The following CLSTN2 variants were observed in gnomAD, a reference collection of about 807,000 sequenced individuals.
CLSTN2 encodes calsyntenin-2.
Under a neutral mutation model 101.2 loss-of-function variants are expected in CLSTN2, and 48 were observed. The ratio of observed to expected loss-of-function variants is 0.47; its 90% CI spans 0.38 to 0.60. CLSTN2 has a LOEUF of 0.60. Among genes scored for constraint, CLSTN2 ranks in the 20% least tolerant of loss-of-function variants. CLSTN2 has a pLI of 0.00. For synonymous variants in CLSTN2, 481 were observed against 463.6 expected (o/e 1.04, Z -0.48); for missense variants, 1,160 against 1,238.2 (o/e 0.94, Z 0.95).
At chr3:139,972,872 G>A (rs1363575934) in intron 1 of CLSTN2, among the ~76,000 whole-genome samples, 4 of 152,298 alleles carry the variant, frequency 2.6e-5, no homozygotes, top group East Asian at 1.9e-4. Flanking sequence ...ATGGATGAAC[G>A]AATGAATGAA....
At chr3:140,285,168 G>C (rs1346254585) in intron 2 of CLSTN2, among the ~76,000 whole-genome samples, 2 of 152,144 alleles carry the variant, frequency 1.3e-5, no homozygotes, top group Non-Finnish European at 2.9e-5. Context: ...AATGTTCTCT[G>C]TGCTGTTCAA....
intron 1 of CLSTN2, among the ~76,000 whole-genome samples, chr3:140,161,707 C>G (rs978655289): frequency 6.6e-6 from 1 of 152,078 alleles, no homozygotes; most frequent in Non-Finnish European, 1.5e-5. Flanking sequence ...CCTTTCTTCT[C>G]TCCCCACTCT....
In CLSTN2 at chr3:139,935,511, C is replaced by T. The variant is rs1381244731; in HGVS notation, c.109+28C>T. On this transcript the variant is annotated intron_variant, in intron 1 of 16. Transcript: ENST00000458420. This position sits in a 1 kb window ranked among gnomAD's most constrained non-coding sequence, Gnocchi z 5.5. Reference sequence around the variant, plus strand: ...GGGTGCTGGGGAAGTTTGCTCTTCTCCCAGGAGGGAGGCAGGGCAGGCTTG... The same window carrying T: ...GGGTGCTGGGGAAGTTTGCTCTTCTTCCAGGAGGGAGGCAGGGCAGGCTTG... 3 of 1,135,720 alleles carry T rather than the reference C, an allele frequency of 2.6e-6. No homozygotes were observed. The African/African-American group carries it at 4.8e-5, about 18-fold the overall frequency. The allele number at this position is 1,135,720 out of a possible 1,614,324, so 70.4% of individuals were successfully genotyped here.
chr3:140,392,656 A>T (rs1257620314), intron 2 of CLSTN2, among the ~76,000 whole-genome samples: 2 of 152,266 alleles, frequency 1.3e-5, no homozygotes, highest in East Asian at 3.9e-4. Flanking sequence ...ATAGAATATT[A>T]AAAAAGTCAT....
At chr3:140,134,157 G>C (rs552269076) in intron 1 of CLSTN2, among the ~76,000 whole-genome samples, 6 of 152,114 alleles carry the variant, frequency 3.9e-5, no homozygotes, top group African/African-American at 7.2e-5. Context: ...CAATTCCATC[G>C]TTTACTTGTG....
At position 140,448,581 on chromosome 3, in the gene CLSTN2, C is replaced by T. The variant is rs201002193; in HGVS notation, c.850C>T (p.His284Tyr). 80 of 1,613,946 alleles carry T rather than the reference C, an allele frequency of 5.0e-5. No individual in the cohort carries two copies. Among genetic ancestry groups the T allele is most frequent in the Non-Finnish European group, 6.1e-5 (72 of 1,179,980 alleles). The change falls in exon 6 of 17, where the codon CAC (histidine) becomes TAC (tyrosine). Residue 284 changes from histidine (H) to tyrosine (Y), a missense_variant. Coordinates refer to ENST00000458420, the MANE Select transcript of CLSTN2 (RefSeq NM_022131.3). ...SGSMPLFPSI[H>Y]LETCDGAVSS... ...GAGCATGCCCCTGTTCCCCAGCATC[C>T]ACCTGGAGACGTGCGATGGAGCCGT...
At chr3:140,466,840 T>C in intron 8 of CLSTN2, 109 bp downstream of exon 8, 3 of 1,460,790 alleles carry the variant, frequency 2.1e-6, no homozygotes, top group Admixed American at 2.1e-5. Context: ...GACCACTTGC[T>C]GAATTTTGGA....
At chr3:140,120,172 A>ATAC (rs961259141) in intron 1 of CLSTN2, among the ~76,000 whole-genome samples, 10 of 152,224 alleles carry the variant, frequency 6.6e-5, no homozygotes, top group African/African-American at 2.4e-4. Flanking sequence ...ACCACCCCAG[A>ATAC]TACTAGCCTT....
intron 2 of CLSTN2, among the ~76,000 whole-genome samples, chr3:140,187,904 T>C (rs2010505723): frequency 6.6e-6 from 1 of 152,142 alleles, no homozygotes; most frequent in African/African-American, 2.4e-5. Flanking sequence ...ACCTGCTCCA[T>C]ATCAAAGTCT....
At position 140,071,670 on chromosome 3, in the gene CLSTN2, A is replaced by G. The variant is rs1416094818; in HGVS notation, c.110-104281A>G. ...CACGGTGAAACCCCATCTCTACTAA[A>G]AATACAAAAAATTAGCCGGGCGTGG... On this transcript the variant is annotated intron_variant, in intron 1 of 16. Coordinates refer to ENST00000458420, the MANE Select transcript of CLSTN2 (RefSeq NM_022131.3). 2.6e-5 allele frequency among the ~76,000 whole-genome samples: 4 copies of G among 151,968 alleles called. No homozygotes were observed. In the East Asian group the frequency reaches 7.7e-4, roughly 29 times the overall value.
rs1025470714 is a variant in CLSTN2 at position 139,935,669 on chromosome 3, C to A, written c.109+186C>A. ...GCAGCGGACCAGAGAGGTCCACCCG[C>A]GGACGTCAACTCAACCCCTGGGCGG... is the stretch of plus-strand genomic sequence containing the variant. On this transcript the variant is annotated intron_variant, in intron 1 of 16. Coordinates refer to ENST00000458420, the MANE Select transcript of CLSTN2 (RefSeq NM_022131.3). This position sits in a 1 kb window ranked among gnomAD's most constrained non-coding sequence, Gnocchi z 5.5. Among the ~76,000 whole-genome samples, 1 of 152,180 alleles carries A rather than the reference C, an allele frequency of 6.6e-6. No homozygotes were observed. Among genetic ancestry groups the A allele is most frequent in the Non-Finnish European group, 1.5e-5 (1 of 68,038 alleles).
intron 2 of CLSTN2, among the ~76,000 whole-genome samples, chr3:140,372,013 C>A (rs2087863010): frequency 6.6e-6 from 1 of 152,112 alleles, no homozygotes; most frequent in Admixed American, 6.6e-5. Flanking sequence ...GCAGGGATAA[C>A]TTCAAGGACC....
chr3:140,188,496 C>G (rs1284001966), intron 2 of CLSTN2, among the ~76,000 whole-genome samples: 1 of 152,136 alleles, frequency 6.6e-6, no homozygotes, highest in Non-Finnish European at 1.5e-5. Context: ...CCTCGTGGCC[C>G]TCTGGTTACT....
chr3:140,082,369 G>A (rs1215941947), intron 1 of CLSTN2, among the ~76,000 whole-genome samples: 6 of 152,090 alleles, frequency 3.9e-5, no homozygotes, highest in Non-Finnish European at 7.4e-5. Flanking sequence ...TTTGGCTTGG[G>A]GTTTATCTAT....
chr3:140,232,887 C>T (rs577495300), intron 2 of CLSTN2, among the ~76,000 whole-genome samples: 3 of 152,238 alleles, frequency 2.0e-5, no homozygotes, highest in Middle Eastern at 3.4e-3. Context: ...GTTCAGAACA[C>T]CAGCTCTTTC....
At chr3:140,164,339 T>C (rs751013404) in intron 1 of CLSTN2, among the ~76,000 whole-genome samples, 5 of 152,116 alleles carry the variant, frequency 3.3e-5, no homozygotes. Flanking sequence ...CTGGGTCCTG[T>C]GTGGGTCCTG....
intron 2 of CLSTN2, among the ~76,000 whole-genome samples, chr3:140,381,561 C>T (rs887307760): frequency 1.3e-5 from 2 of 152,218 alleles, no homozygotes; most frequent in Non-Finnish European, 2.9e-5. Context: ...TAGCATGATA[C>T]TTGACTTATC....
At chr3:140,254,977 C>A (rs966250869) in intron 2 of CLSTN2, among the ~76,000 whole-genome samples, 1 of 152,018 alleles carries the variant, frequency 6.6e-6, no homozygotes, top group Admixed American at 6.6e-5. Flanking sequence ...AACCCCATTA[C>A]AAAATGGGCA....
intron 1 of CLSTN2, among the ~76,000 whole-genome samples, chr3:139,936,672 T>A (rs970298466): frequency 2.0e-5 from 3 of 152,210 alleles, no homozygotes; most frequent in African/African-American, 7.2e-5. Context: ...GCTGCATTAC[T>A]CTTGGAGGTT....
Sources: allele counts gnomAD v4.1 joint callset (sites outside exome capture counted in the v4.1 genomes callset), GRCh38; gene constraint gnomAD v4.1.1; non-coding constraint Gnocchi (gnomAD v3.1); transcripts MANE v1.5; gene names NCBI Gene and HGNC (gene_info 2026-07-23, HGNC 2026-07-21).